The following DOK6 variants were observed in gnomAD, a reference collection of about 807,000 sequenced individuals.
DOK6 encodes the protein docking protein 6.
Under a neutral mutation model 44.0 loss-of-function variants are expected in DOK6, and 22 were observed. The ratio of observed to expected loss-of-function variants is 0.50; its 90% confidence interval spans 0.36 to 0.71. The LOEUF (loss-of-function observed/expected upper bound fraction) is 0.71. Ranked by LOEUF, DOK6 falls within the 30% of genes least tolerant of loss-of-function variation. The pLI, the probability that DOK6 is intolerant of heterozygous loss-of-function variation, is 0.00. For synonymous variants in DOK6, 166 were observed against 145.5 expected, an observed-to-expected ratio of 1.14 and a Z score of -1.01; for missense variants, 340 against 416.4, an observed-to-expected ratio of 0.82 and a Z score of 1.60.
At chr18:69,549,317 T>C (rs1010734783) in intron 1 of DOK6, among the ~76,000 whole-genome samples, 10 of 151,464 alleles carry the variant, frequency 6.6e-5, no homozygotes, top group Non-Finnish European at 1.2e-4. Flanking sequence ...AGCTGCCATA[T>C]TTAAAGGAAG....
intron 6 of DOK6, among the ~76,000 whole-genome samples, chr18:69,749,541 C>T (rs1046638484): frequency 3.9e-5 from 6 of 152,164 alleles, no homozygotes; most frequent in South Asian, 4.2e-4. Flanking sequence ...TTAGGAATGT[C>T]GATTGATATT....
intron 4 of DOK6, among the ~76,000 whole-genome samples, chr18:69,678,634 C>A (rs73467811): frequency 0.013 from 1,967 of 152,268 alleles, 45 homozygotes; most frequent in African/African-American, 0.045. Flanking sequence ...TCTAGTTTAA[C>A]AAGCATTTCT....
At chr18:69,798,121 T>A (rs1980801623) in intron 7 of DOK6, among the ~76,000 whole-genome samples, 1 of 152,006 alleles carries the variant, frequency 6.6e-6, no homozygotes, top group Non-Finnish European at 1.5e-5. Flanking sequence ...CTTTGACAGA[T>A]AAATTGCAAG....
intron 5 of DOK6, among the ~76,000 whole-genome samples, chr18:69,734,123 A>G (rs539826399): frequency 5.9e-5 from 9 of 151,892 alleles, no homozygotes; most frequent in African/African-American, 2.2e-4. Flanking sequence ...ATTTATATCA[A>G]TGGAGGAAGA....
intron 7 of DOK6, among the ~76,000 whole-genome samples, chr18:69,806,688 A>G (rs915045669): frequency 2.6e-5 from 4 of 151,972 alleles, no homozygotes; most frequent in Admixed American, 6.6e-5. Context: ...CATCAGCCTT[A>G]GGGATCAATA....
In DOK6 at chr18:69,822,424, T is replaced by C. The variant is rs548363773; in HGVS notation, c.857-18820T>C. Among the ~76,000 whole-genome samples the C allele has an allele frequency of 2.0e-5, 3 of 151,658 alleles. No homozygotes were observed. In the South Asian group the frequency reaches 6.3e-4, roughly 32 times the overall value. On this transcript the variant is annotated intron_variant, in intron 7 of 7. Coordinates refer to ENST00000382713, the MANE Select transcript of DOK6 (RefSeq NM_152721.6). Reference sequence around the variant, plus strand: ...TTAACAAGAGTATTAGCCTTTTTGATGGCTAATTGAATCCCAATTCCCAAA... The same window carrying C: ...TTAACAAGAGTATTAGCCTTTTTGACGGCTAATTGAATCCCAATTCCCAAA...
chr18:69,445,651 C>A (rs1489829956), intron 1 of DOK6, among the ~76,000 whole-genome samples: 1 of 151,998 alleles, frequency 6.6e-6, no homozygotes, highest in Non-Finnish European at 1.5e-5. Flanking sequence ...ATAAATCTCA[C>A]TTGGTTATTG....
chr18:69,490,597 TA>T (rs1258038774), intron 1 of DOK6, among the ~76,000 whole-genome samples: 7 of 152,088 alleles, frequency 4.6e-5, no homozygotes, highest in Non-Finnish European at 1.0e-4. Context: ...ACTATTCACT[TA>T]AAAAAATCTT....
chr18:69,573,507 T>G (rs1983166916), intron 2 of DOK6, among the ~76,000 whole-genome samples: 1 of 152,012 alleles, frequency 6.6e-6, no homozygotes, highest in Non-Finnish European at 1.5e-5. Flanking sequence ...CCCGGTGACT[T>G]AAGTTTCCCT....
chr18:69,761,985 A>G (rs1295259270), intron 7 of DOK6, among the ~76,000 whole-genome samples: 1 of 152,142 alleles, frequency 6.6e-6, no homozygotes, highest in Non-Finnish European at 1.5e-5. Context: ...GCAAAGCAGA[A>G]GTGAGCATGT....
At chr18:69,572,251 G>T (rs1983131595) in intron 2 of DOK6, among the ~76,000 whole-genome samples, 1 of 152,062 alleles carries the variant, frequency 6.6e-6, no homozygotes, top group Non-Finnish European at 1.5e-5. Context: ...AAAACGGACA[G>T]GACTTACTTA....
In DOK6 at chr18:69,712,537, A is replaced by T. The variant is rs540461106; in HGVS notation, c.599+13944A>T. The stretch of plus-strand genomic sequence containing the variant: ...TCCACCAAACTCTCTGGGCATGCCA[A>T]TTATCTTTCTATAAATGTACATTGG... On this transcript the variant is annotated intron_variant, in intron 5 of 7. Transcript: ENST00000382713. 2.6e-5 allele frequency among the ~76,000 whole-genome samples: 4 copies of T among 152,056 alleles called. No individual in the cohort carries two copies. In the South Asian group the frequency reaches 8.3e-4, roughly 32 times the overall value.
chr18:69,678,468 A>G (rs1482875788), intron 4 of DOK6, among the ~76,000 whole-genome samples: 2 of 152,166 alleles, frequency 1.3e-5, no homozygotes, highest in Non-Finnish European at 2.9e-5. Flanking sequence ...CTTATTATAG[A>G]TTTAGAGTCT....
At chr18:69,817,958 A>G (rs1981449788) in intron 7 of DOK6, among the ~76,000 whole-genome samples, 1 of 152,188 alleles carries the variant, frequency 6.6e-6, no homozygotes, top group Admixed American at 6.6e-5. Context: ...GCTTGCCAAA[A>G]ATCAAAATTC....
chr18:69,473,537 C>A (rs960082235), intron 1 of DOK6, among the ~76,000 whole-genome samples: 1 of 152,162 alleles, frequency 6.6e-6, no homozygotes, highest in Admixed American at 6.5e-5. Flanking sequence ...AAGATCCCTA[C>A]ATATCAGCTG....
chr18:69,693,786 C>T (rs1986322559), intron 4 of DOK6, among the ~76,000 whole-genome samples: 1 of 151,934 alleles, frequency 6.6e-6, no homozygotes, highest in Non-Finnish European at 1.5e-5. Context: ...AGGCCGGGCG[C>T]GGTGGTTCAC....
intron 1 of DOK6, among the ~76,000 whole-genome samples, chr18:69,404,469 T>C (rs1916161115): frequency 1.3e-5 from 2 of 152,232 alleles, no homozygotes; most frequent in African/African-American, 4.8e-5. Context: ...TAACACTTTG[T>C]GTATTGACCC....
At chr18:69,463,101 T>A (rs57922650) in intron 1 of DOK6, among the ~76,000 whole-genome samples, 20,146 of 152,154 alleles carry the variant, frequency 0.13, 1,668 homozygotes, top group South Asian at 0.28. Context: ...GAGGCTGGGA[T>A]GTCCAAGACT....
intron 1 of DOK6, among the ~76,000 whole-genome samples, chr18:69,505,949 CT>C (rs1003273861): frequency 3.3e-5 from 5 of 151,080 alleles, no homozygotes; most frequent in South Asian, 2.1e-4. Flanking sequence ...TACCCATATG[CT>C]TTTTTTTTCT....
Sources: gnomAD v4.1 joint callset for allele counts (sites outside exome capture counted in the v4.1 genomes callset) on GRCh38, gnomAD v4.1.1 for gene constraint, MANE v1.5 for transcripts, NCBI Gene and HGNC (gene_info 2026-07-23, HGNC 2026-07-21) for gene names.